MCTP2: variants seen among roughly 807,000 people sequenced by gnomAD.
MCTP2 encodes the protein multiple C2 and transmembrane domain-containing protein 2.
A neutral mutation model predicts 111.6 loss-of-function variants in MCTP2; 132 were observed. The observed-to-expected ratio is 1.18, with a 90% CI of 1.03 to 1.37. The LOEUF (loss-of-function observed/expected upper bound fraction) is 1.37. MCTP2 is among the 40% of genes most tolerant of loss of function. The probability of loss-of-function intolerance (pLI) is 0.00; values close to 1 mark genes in which losing one functional copy is unlikely to be tolerated. For synonymous variants in MCTP2, 395 were observed against 387.7 expected, an observed-to-expected ratio of 1.02 and a Z score of -0.22; for missense variants, 1,183 against 1,067.9, an observed-to-expected ratio of 1.11 and a Z score of -1.50.
chr15:94,419,316 G>A (rs1423688963), intron 17 of MCTP2, among the ~76,000 whole-genome samples: 1 of 152,132 alleles, frequency 6.6e-6, no homozygotes, highest in Non-Finnish European at 1.5e-5. Flanking sequence ...ACCAGAAATA[G>A]TACATTTCAC....
At chr15:94,413,523 G>A (rs964059390) in intron 17 of MCTP2, among the ~76,000 whole-genome samples, 3 of 151,280 alleles carry the variant, frequency 2.0e-5, no homozygotes, top group African/African-American at 7.3e-5. Context: ...CTTCTATAAA[G>A]GCCTTTGCTC....
At chr15:94,348,141 C>G (rs12911722) in intron 8 of MCTP2, among the ~76,000 whole-genome samples, 1 of 151,496 alleles carries the variant, frequency 6.6e-6, no homozygotes, top group African/African-American at 2.4e-5. Context: ...TTTTTCTGTA[C>G]GAAATTAATT....
intron 4 of MCTP2, among the ~76,000 whole-genome samples, chr15:94,324,292 G>A (rs8024303): frequency 0.085 from 12,923 of 152,260 alleles, 1,387 homozygotes; most frequent in African/African-American, 0.25. Flanking sequence ...CTCGTAGAGC[G>A]CTAATACGTG....
At chr15:94,237,835 A>C (rs552867129) in intron 1 of MCTP2, among the ~76,000 whole-genome samples, 1 of 152,322 alleles carries the variant, frequency 6.6e-6, no homozygotes, top group East Asian at 1.9e-4. Context: ...AAGACTTCAG[A>C]GAACCTTGCT....
chr15:94,356,389 T>G, intron 9 of MCTP2, 88 bp downstream of exon 9: 1 of 1,254,920 alleles, frequency 8.0e-7, no homozygotes. Flanking sequence ...TTTACAAAAG[T>G]AGAAGTAATT....
At chr15:94,240,982 C>T (rs1381375141) in intron 1 of MCTP2, among the ~76,000 whole-genome samples, 2 of 152,114 alleles carry the variant, frequency 1.3e-5, no homozygotes, top group Admixed American at 1.3e-4. Flanking sequence ...CTATTATTAG[C>T]ATTAAGACAC....
chr15:94,432,400 T>C (rs573319210), intron 17 of MCTP2, among the ~76,000 whole-genome samples: 1 of 152,190 alleles, frequency 6.6e-6, no homozygotes. Flanking sequence ...AATGTACTTA[T>C]GTCATCTTAG....
intron 1 of MCTP2, among the ~76,000 whole-genome samples, chr15:94,279,110 G>C (rs150928955): frequency 7.4e-4 from 112 of 152,088 alleles, no homozygotes; most frequent in African/African-American, 2.7e-3. Flanking sequence ...TCTCTTTTTT[G>C]GTTTCATAGG....
chr15:94,411,041 C>T lies in MCTP2; in HGVS notation c.2085+9022C>T, dbSNP rs115155946. Among the ~76,000 whole-genome samples the T allele has an allele frequency of 4.1e-3, 623 of 152,312 alleles. 1 individual carries two copies. The highest frequency in any genetic ancestry group is 0.013 in the African/African-American group (542 of 41,568). On this transcript the variant is annotated intron_variant, in intron 17 of 22. Transcript: ENST00000357742. ...AAAATCTCTAACTGCCATCACAGCC[C>T]CTGAATCTGAGAAGATTCTATTTTT...
chr15:94,442,821 C>CTT, intron 18 of MCTP2, 98 bp from the exon 19 acceptor site: 1 of 978,124 alleles, frequency 1.0e-6, no homozygotes, highest in East Asian at 2.4e-5. Context: ...AATATAAATG[C>CTT]TTGAAGTCTG....
intron 4 of MCTP2, among the ~76,000 whole-genome samples, chr15:94,332,926 C>A (rs193288455): frequency 6.6e-6 from 1 of 152,044 alleles, no homozygotes; most frequent in Admixed American, 6.6e-5. Context: ...TAAACTGAAT[C>A]ATAGAAATAT....
At chr15:94,476,549 C>T in intron 21 of MCTP2, 147 bp from the exon 22 acceptor site, 1 of 530,176 alleles carries the variant, frequency 1.9e-6, no homozygotes, top group Non-Finnish European at 3.3e-6. Flanking sequence ...ATCCCCTCTC[C>T]CCCGAGTCAG....
At chr15:94,243,064 C>CGG (rs2071153701) in intron 1 of MCTP2, among the ~76,000 whole-genome samples, 1 of 71,202 alleles carries the variant, frequency 1.4e-5, no homozygotes, top group African/African-American at 5.4e-5. Context: ...TACACATACA[C>CGG]GTGTATATGT....
chr15:94,470,306 A>G, intron 20 of MCTP2, 27 bp from the exon 21 acceptor site: 2 of 1,455,412 alleles, frequency 1.4e-6, no homozygotes, highest in Non-Finnish European at 1.9e-6. Flanking sequence ...CATCAGAGGA[A>G]ATTATATTTA....
In MCTP2 at chr15:94,338,468, C is replaced by A. The variant is rs75832185; in HGVS notation, c.638-822C>A. On this transcript the variant is annotated intron_variant, in intron 4 of 22. Transcript: ENST00000357742. The stretch of plus-strand genomic sequence containing the variant: ...TGTAACACACGCACAATACATAATT[C>A]ATGTATTATGTTTGCAGGCATTTTT... Among the ~76,000 whole-genome samples the A allele has an allele frequency of 8.2e-3, 1,216 of 149,128 alleles. 17 individuals are homozygous for A. Among genetic ancestry groups the A allele is most frequent in the African/African-American group, 0.029 (1,152 of 40,022 alleles).
intron 17 of MCTP2, among the ~76,000 whole-genome samples, chr15:94,416,253 AT>A (rs796435448): frequency 4.2e-4 from 61 of 146,776 alleles, no homozygotes; most frequent in Admixed American, 4.8e-4. Flanking sequence ...GTGTAGAAGG[AT>A]TTTTTTTTTT....
At chr15:94,382,628 C>G (rs573971111) in intron 12 of MCTP2, among the ~76,000 whole-genome samples, 42 of 152,368 alleles carry the variant, frequency 2.8e-4, no homozygotes, top group Admixed American at 2.4e-3. Context: ...TGCTGTACCT[C>G]AGAGCGCCTG....
At chr15:94,382,004 C>A (rs920416855) in intron 12 of MCTP2, among the ~76,000 whole-genome samples, 2 of 152,230 alleles carry the variant, frequency 1.3e-5, no homozygotes, top group African/African-American at 4.8e-5. Flanking sequence ...GGTCAGAGCC[C>A]ACTTTCATTC....
At chr15:94,289,125 T>C (rs1427206963) in intron 1 of MCTP2, among the ~76,000 whole-genome samples, 1 of 152,126 alleles carries the variant, frequency 6.6e-6, no homozygotes, top group East Asian at 1.9e-4. Flanking sequence ...GCTGAAACAT[T>C]GATAGATTCA....
Sources: gnomAD v4.1 joint callset for allele counts (sites outside exome capture counted in the v4.1 genomes callset) on GRCh38, gnomAD v4.1.1 for gene constraint, MANE v1.5 for transcripts, NCBI Gene and HGNC (gene_info 2026-07-23, HGNC 2026-07-21) for gene names.